The following ATXN7L1 variants were observed in gnomAD, a reference collection of about 807,000 sequenced individuals.
ATXN7L1 encodes ataxin 7 like 1.
In ATXN7L1, 15 loss-of-function variants were observed where a neutral mutation model predicts 70.8. The observed-to-expected ratio is 0.21, with a 90% confidence interval of 0.14 to 0.33. The LOEUF (loss-of-function observed/expected upper bound fraction) is 0.33. Among genes scored for constraint, ATXN7L1 ranks in the 10% least tolerant of loss-of-function variants. ATXN7L1 has a pLI of 1.00. For missense variants in ATXN7L1, 975 were observed against 1,097.1 expected, an observed-to-expected ratio of 0.89 and a Z score of 1.57; for synonymous variants, 440 against 445.1, an observed-to-expected ratio of 0.99 and a Z score of 0.14.
At chr7:105,648,845 C>G (rs778903173) in intron 4 of ATXN7L1, among the ~76,000 whole-genome samples, 33 of 150,428 alleles carry the variant, frequency 2.2e-4, no homozygotes, top group Non-Finnish European at 3.7e-4. Context: ...GGAAAGAATC[C>G]AAAAGGTTCT....
chr7:105,688,155 T>C (rs999495851), intron 3 of ATXN7L1, among the ~76,000 whole-genome samples: 5 of 152,098 alleles, frequency 3.3e-5, no homozygotes, highest in East Asian at 1.9e-4. Context: ...ACCAGATACA[T>C]TGACTTGCAT....
At chr7:105,862,444 A>C (rs878892468) in intron 2 of ATXN7L1, among the ~76,000 whole-genome samples, 1 of 152,182 alleles carries the variant, frequency 6.6e-6, no homozygotes, top group South Asian at 2.1e-4. Flanking sequence ...CTTCCCACCC[A>C]AAAATGTGAC....
intron 4 of ATXN7L1, among the ~76,000 whole-genome samples, chr7:105,662,082 C>CTTTTCTTTTCT (rs375810406): frequency 6.3e-5 from 5 of 78,820 alleles, no homozygotes; most frequent in Non-Finnish European, 1.4e-4. Context: ...TTCCTTCCTT[C>CTTTTCTTTTCT]TTTCTTTTCT....
At position 105,673,153 on chromosome 7, in the gene ATXN7L1, A is replaced by C. The variant is rs150928662; in HGVS notation, c.356-7865T>G. Among the ~76,000 whole-genome samples, 55 of 152,334 alleles carry C rather than the reference A, an allele frequency of 3.6e-4. No individual in the cohort carries two copies. The East Asian group carries it at 0.01, about 28-fold the overall frequency. On this transcript the variant is annotated intron_variant, in intron 3 of 11. Transcript: ENST00000419735. Reference sequence around the variant, plus strand: ...TTGCTCCCCTCACTCTCTGAAGATAAAATCCATCAGGTTCTCAGGCAATCC... The same window carrying C: ...TTGCTCCCCTCACTCTCTGAAGATACAATCCATCAGGTTCTCAGGCAATCC...
intron 2 of ATXN7L1, among the ~76,000 whole-genome samples, chr7:105,823,373 G>A (rs1379615461): frequency 3.9e-5 from 6 of 152,196 alleles, no homozygotes; most frequent in Non-Finnish European, 8.8e-5. Flanking sequence ...AAGGGTTCAA[G>A]TAAGCATATG....
At chr7:105,670,757 A>T (rs2116100149) in intron 3 of ATXN7L1, among the ~76,000 whole-genome samples, 1 of 152,126 alleles carries the variant, frequency 6.6e-6, no homozygotes, top group South Asian at 2.1e-4. Context: ...AGGTCAAGAG[A>T]TTGAGACCAC....
chr7:105,830,066 G>A (rs986620220), intron 2 of ATXN7L1, among the ~76,000 whole-genome samples: 6 of 152,110 alleles, frequency 3.9e-5, no homozygotes, highest in Non-Finnish European at 5.9e-5. Flanking sequence ...CCCATCCCCC[G>A]ACAGCCCCAT....
At chr7:105,679,799 G>A (rs564926990) in intron 3 of ATXN7L1, among the ~76,000 whole-genome samples, 60 of 152,146 alleles carry the variant, frequency 3.9e-4, no homozygotes, top group Non-Finnish European at 7.5e-4. Context: ...CGGGGGGAGT[G>A]ACTGCTTAAT....
At chr7:105,619,531 T>TA (rs1363646399) in intron 9 of ATXN7L1, among the ~76,000 whole-genome samples, 136 of 4,606 alleles carry the variant, frequency 0.03, no homozygotes, top group Non-Finnish European at 0.041. Flanking sequence ...TATATATATA[T>TA]TTTTTTTTTT....
intron 2 of ATXN7L1, among the ~76,000 whole-genome samples, chr7:105,872,801 G>A (rs1018972274): frequency 1.3e-5 from 2 of 151,780 alleles, no homozygotes; most frequent in Non-Finnish European, 2.9e-5. Flanking sequence ...TACTCAAAAT[G>A]GTTAAAATGA....
rs571473207 is a variant in ATXN7L1, at chr7:105,620,234, T to C, written c.1483A>G (p.Met495Val). The C allele has an allele frequency of 1.9e-6, 3 of 1,551,546 alleles. No individual in the cohort carries two copies. Among genetic ancestry groups the C allele is most frequent in the African/African-American group, 1.4e-5 (1 of 73,168 alleles). The change falls in exon 9 of 12, where the codon ATG (methionine) becomes GTG (valine). Residue 495 changes from methionine (M) to valine (V), a missense_variant. This residue lies in a region of ATXN7L1 where 635 missense variants were observed against 699.4 expected (regional missense o/e 0.91). Transcript: ENST00000419735. Reference sequence around the variant, plus strand: ...TGTGAATTCAGGTGTTTTTCTACCATGGAGTTTAGTGCGAATCGAAAACGA... The same window carrying C: ...TGTGAATTCAGGTGTTTTTCTACCACGGAGTTTAGTGCGAATCGAAAACGA... ...WDRFRFALNS[M>V]VEKHLNSQMW...
intron 2 of ATXN7L1, among the ~76,000 whole-genome samples, chr7:105,839,990 T>C (rs1789158894): frequency 2.0e-5 from 3 of 152,224 alleles, no homozygotes. Flanking sequence ...TCATTTGAAC[T>C]GGGCCTTCAT....
intron 3 of ATXN7L1, among the ~76,000 whole-genome samples, chr7:105,783,297 C>T (rs1432170256): frequency 1.3e-5 from 2 of 152,202 alleles, no homozygotes; most frequent in Non-Finnish European, 2.9e-5. Flanking sequence ...GTTTCTGGCA[C>T]AGAGCTCCTA....
At chr7:105,686,636 G>C (rs846934) in intron 3 of ATXN7L1, among the ~76,000 whole-genome samples, 29,964 of 152,198 alleles carry the variant, frequency 0.2, 3,079 homozygotes, top group East Asian at 0.3. Flanking sequence ...CGGGCAGAAT[G>C]CCCTAACACG....
At position 105,710,879 on chromosome 7, in the gene ATXN7L1, G is replaced by A. The variant is rs988529991; in HGVS notation, c.356-45591C>T. The stretch of plus-strand genomic sequence containing the variant: ...ACTGGGCAATTTACAAAAGAAAGAG[G>A]TTTAATGGTCTTACAGTTCCACATG... On this transcript the variant is annotated intron_variant, in intron 3 of 11. Transcript: ENST00000419735. 1.1e-4 allele frequency among the ~76,000 whole-genome samples: 17 copies of A among 152,128 alleles called. 1 individual carries two copies. The highest frequency in any genetic ancestry group is 2.5e-4 in the Non-Finnish European group (17 of 68,020).
At chr7:105,864,527 A>C (rs970065177) in intron 2 of ATXN7L1, among the ~76,000 whole-genome samples, 2 of 144,246 alleles carry the variant, frequency 1.4e-5, no homozygotes, top group Non-Finnish European at 3.0e-5. Context: ...GTTTCGTTTT[A>C]GTATGACCAG....
intron 2 of ATXN7L1, among the ~76,000 whole-genome samples, chr7:105,824,176 G>C (rs1160725278): frequency 6.6e-6 from 1 of 152,176 alleles, no homozygotes; most frequent in Non-Finnish European, 1.5e-5. Flanking sequence ...CTAAGAAAAT[G>C]CCTCCATATG....
At chr7:105,875,929 G>GA (rs756607411) in intron 1 of ATXN7L1, 49 bp from the exon 2 acceptor site, 3 of 1,547,848 alleles carry the variant, frequency 1.9e-6, no homozygotes, top group African/African-American at 1.4e-5. Context: ...AAAAAGGGGG[G>GA]AAAAAAGCCA....
intron 4 of ATXN7L1, among the ~76,000 whole-genome samples, chr7:105,645,151 T>G (rs890165156): frequency 6.6e-6 from 1 of 152,080 alleles, no homozygotes; most frequent in African/African-American, 2.4e-5. Flanking sequence ...GTTTCAGTTT[T>G]GCAAGATGGA....
Sources: gnomAD v4.1 joint callset for allele counts (sites outside exome capture counted in the v4.1 genomes callset) on GRCh38, gnomAD v4.1.1 for gene constraint, gnomAD v4.1.1 regional missense constraint, MANE v1.5 for transcripts, NCBI Gene and HGNC (gene_info 2026-07-23, HGNC 2026-07-21) for gene names.